Variants in CREBBP observed in about 807,000 individuals in gnomAD.
The protein encoded by CREBBP is CREB binding lysine acetyltransferase.
A neutral mutation model predicts 265.0 loss-of-function variants in CREBBP; 19 were observed. That is an observed-to-expected ratio of 0.07 (90% CI 0.05 to 0.11). CREBBP has a LOEUF of 0.11. Among genes scored for constraint, CREBBP ranks in the 10% least tolerant of loss-of-function variants. The pLI is 1.00. For missense variants in CREBBP, 2,525 were observed against 3,219.0 expected, an observed-to-expected ratio of 0.78 and a Z score of 5.22; for synonymous variants, 1,457 against 1,223.7, an observed-to-expected ratio of 1.19 and a Z score of -3.98.
In CREBBP at chr16:3,729,809, C is replaced by G; in HGVS notation, c.5238G>C (p.Gly1746=). The G allele has an allele frequency of 6.2e-7, 1 of 1,605,710 alleles. No individual in the cohort carries two copies. Among genetic ancestry groups the G allele is most frequent in the East Asian group, 2.2e-5 (1 of 44,888 alleles). The change falls in exon 31 of 31, where the codon GGG becomes GGC. Residue 1746 remains glycine (G), a synonymous_variant. Transcript: ENST00000262367. ...TGCTGCCCTCGTCATCCAGGCCCAG[C>G]CCCCACTTCACCATCTTATGGGCAT... ...KSHAHKMVKW[G]LGLDDEGSSQ... is the part of the protein sequence containing the mutation.
At chr16:3,751,957 G>T in intron 19 of CREBBP, 151 bp from the exon 20 acceptor site, 1 of 731,364 alleles carries the variant, frequency 1.4e-6, no homozygotes, top group Non-Finnish European at 2.5e-6. Flanking sequence ...ACAATGAAAG[G>T]AACAGGGGGC....
chr16:3,754,709 C>T (rs2052549724), intron 19 of CREBBP, among the ~76,000 whole-genome samples: 1 of 152,094 alleles, frequency 6.6e-6, no homozygotes, highest in African/African-American at 2.4e-5. Context: ...ACAGTTTTTC[C>T]AACATGAGTT....
rs2053544257 is a variant in CREBBP at position 3,793,390 on chromosome 16, G to A, written c.1212C>T (p.Cys404=). 6.2e-7 allele frequency: 1 copy of A among 1,613,876 alleles called. No homozygotes were observed. The highest frequency in any genetic ancestry group is 8.5e-7 in the Non-Finnish European group (1 of 1,179,910). Residue 404 remains cysteine (C), a synonymous_variant, in exon 4 of 31, where the codon TGC becomes TGT. Transcript: ENST00000262367. ...AGTTCCAAAAACAGCACTTACCTTG[G>A]CAGGCTTTCCCAGCCTGACAATGCG... ...HMTHCQAGKA[C]QVAHCASSRQ...
rs536159666 is a variant in CREBBP, at chr16:3,757,845, A to G, written c.3573T>C (p.Pro1191=). The part of the protein sequence containing the change: ...LAEVFEQEID[P]VMQSLGYCCG... ...AGCAATATCCAAGGGACTGCATGACAGGGTCAATTTCCTGCTCAAAGACCT... is the reference window on the plus strand; with the variant it reads ...AGCAATATCCAAGGGACTGCATGACGGGGTCAATTTCCTGCTCAAAGACCT... The change falls in exon 18 of 31, where the codon CCT becomes CCC. Residue 1191 remains proline, a synonymous_variant. Transcript: ENST00000262367. 1.2e-6 allele frequency: 2 copies of G among 1,614,202 alleles called. No homozygotes were observed. The highest frequency in any genetic ancestry group is 1.7e-5 in the Admixed American group (1 of 60,026).
At chr16:3,862,172 T>C (rs1442253282) in intron 1 of CREBBP, among the ~76,000 whole-genome samples, 2 of 152,190 alleles carry the variant, frequency 1.3e-5, no homozygotes, top group Non-Finnish European at 2.9e-5. Flanking sequence ...TACAGCCAAG[T>C]GGAATAAGGC....
intron 28 of CREBBP, 132 bp downstream of exon 28, chr16:3,735,904 G>A (rs999066144): frequency 8.6e-6 from 12 of 1,391,098 alleles, no homozygotes; most frequent in African/African-American, 4.2e-5. Flanking sequence ...TGCTGCAGGT[G>A]GTGTCGACGT....
At position 3,793,776 on chromosome 16, in the gene CREBBP, T is replaced by G. The variant is rs534233770; in HGVS notation, c.976-150A>C. 4.1e-5 allele frequency: 39 copies of G among 941,858 alleles called. No individual in the cohort carries two copies. The East Asian group carries it at 9.4e-4, about 23-fold the overall frequency. 58.3% of individuals were successfully genotyped at this position (941,858 alleles called of 1,614,324 possible). ...TAGTTCTCTAACCCACTGATGACTTTAAGAAGATCCAGCAGCACAGAAATC... is the reference window on the plus strand; with the variant it reads ...TAGTTCTCTAACCCACTGATGACTTGAAGAAGATCCAGCAGCACAGAAATC... On this transcript the variant is annotated intron_variant, in intron 3 of 30. Transcript: ENST00000262367.
chr16:3,862,376 T>C (rs181609027), intron 1 of CREBBP, among the ~76,000 whole-genome samples: 2 of 152,074 alleles, frequency 1.3e-5, no homozygotes, highest in Non-Finnish European at 2.9e-5. Flanking sequence ...ACAAGTTCCA[T>C]ACGGTGGGAA....
intron 14 of CREBBP, among the ~76,000 whole-genome samples, chr16:3,770,249 T>A (rs1393049276): frequency 6.6e-6 from 1 of 152,148 alleles, no homozygotes; most frequent in Non-Finnish European, 1.5e-5. Context: ...TGGCGTGATC[T>A]TGGCTCACTG....
chr16:3,739,945 G>C (rs2052160412), intron 24 of CREBBP, among the ~76,000 whole-genome samples: 1 of 152,190 alleles, frequency 6.6e-6, no homozygotes, highest in Admixed American at 6.5e-5. Context: ...GCACCTCTGT[G>C]AATGAAATAC....
chr16:3,869,596 CA>C (rs2055250992), intron 1 of CREBBP, among the ~76,000 whole-genome samples: 1 of 152,158 alleles, frequency 6.6e-6, no homozygotes, highest in African/African-American at 2.4e-5. Flanking sequence ...TTCATTTACT[CA>C]AACCAGGTAA....
intron 5 of CREBBP, among the ~76,000 whole-genome samples, 200 bp from the exon 6 acceptor site, chr16:3,783,126 C>A (rs934497821): frequency 1.3e-5 from 2 of 152,044 alleles, no homozygotes; most frequent in Non-Finnish European, 2.9e-5. Flanking sequence ...AAGTGAGGAA[C>A]AAAAAGTTAA....
intron 11 of CREBBP, 94 bp from the exon 12 acceptor site, chr16:3,774,787 G>T: frequency 6.7e-7 from 1 of 1,486,118 alleles, no homozygotes; most frequent in South Asian, 1.2e-5. Flanking sequence ...AAATAAGATG[G>T]AACGCACAGG....
intron 1 of CREBBP, among the ~76,000 whole-genome samples, chr16:3,876,673 G>C (rs2055409862): frequency 6.6e-6 from 1 of 152,146 alleles, no homozygotes; most frequent in Non-Finnish European, 1.5e-5. Context: ...CATAATACAA[G>C]AAAATGCTAC....
chr16:3,733,148 G>A lies in CREBBP; in HGVS notation c.4729-1211C>T, dbSNP rs146169786. ...AAGGCCAAGGCAGGCGGATCTCGAG[G>A]TCAGGAAATCAAGACCAACCTGGCT... is the stretch of plus-strand genomic sequence containing the variant. On this transcript the variant is annotated intron_variant, in intron 28 of 30. Coordinates refer to ENST00000262367, the MANE Select transcript of CREBBP (RefSeq NM_004380.3). Among the ~76,000 whole-genome samples, 776 of 152,106 alleles carry A rather than the reference G, an allele frequency of 5.1e-3. 6 individuals carry two copies. Among genetic ancestry groups the A allele is most frequent in the African/African-American group, 0.018 (731 of 41,522 alleles).
intron 2 of CREBBP, among the ~76,000 whole-genome samples, chr16:3,845,613 C>T (rs1401272808): frequency 1.3e-5 from 2 of 152,070 alleles, no homozygotes; most frequent in Non-Finnish European, 2.9e-5. Flanking sequence ...AGGCCAGACA[C>T]GGTGGCTCAC....
intron 5 of CREBBP, among the ~76,000 whole-genome samples, chr16:3,791,486 T>C (rs130030): frequency 0.083 from 12,569 of 152,144 alleles, 1,430 homozygotes; most frequent in African/African-American, 0.26. Context: ...GAAACCTTCA[T>C]AAATGTCTGT....
Position 3,726,705 on chromosome 16 carries a change from G to GA in CREBBP, c.*1012dup, listed in dbSNP as rs1450146486. On this transcript the variant is annotated 3_prime_UTR_variant, in exon 31 of 31. Transcript: ENST00000262367. Reference sequence around the variant, plus strand: ...TAAGCGGTACTTTATATACAATGGGGAAAAAACACATGCATAGTCCAAATA... The same window carrying GA: ...TAAGCGGTACTTTATATACAATGGGGAAAAAAACACATGCATAGTCCAAATA... The GA allele has an allele frequency of 8.6e-6, 2 of 233,388 alleles. No homozygotes were observed. The highest frequency in any genetic ancestry group is 1.7e-5 in the Non-Finnish European group (2 of 118,030). 14.5% of individuals were successfully genotyped at this position (233,388 alleles called of 1,614,324 possible). A position where few individuals can be genotyped will look rare whatever the true frequency, so the allele number is the denominator to read the frequency against.
intron 2 of CREBBP, among the ~76,000 whole-genome samples, chr16:3,849,766 G>A (rs1460526494): frequency 6.6e-6 from 1 of 151,978 alleles, no homozygotes; most frequent in Non-Finnish European, 1.5e-5. Context: ...GGATGCTGCT[G>A]CTGCTGCTGG....
Sources: gnomAD v4.1 joint callset for allele counts (sites outside exome capture counted in the v4.1 genomes callset) on GRCh38, gnomAD v4.1.1 for gene constraint, MANE v1.5 for transcripts, NCBI Gene and HGNC (gene_info 2026-07-23, HGNC 2026-07-21) for gene names.